SLC44A1: variants seen among roughly 807,000 people sequenced by gnomAD.
SLC44A1 encodes solute carrier family 44 member 1.
SLC44A1 carries 26 observed loss-of-function variants against 79.3 expected under a neutral mutation model. That is an observed-to-expected ratio of 0.33 (90% confidence interval 0.24 to 0.46). SLC44A1 has a LOEUF of 0.46. Among genes scored for constraint, SLC44A1 ranks in the 20% least tolerant of loss-of-function variants. The probability of loss-of-function intolerance (pLI) is 1.00; values close to 1 mark genes in which losing one functional copy is unlikely to be tolerated. For synonymous variants in SLC44A1, 263 were observed against 286.2 expected (o/e 0.92, Z 0.82); for missense variants, 688 against 798.1 (o/e 0.86, Z 1.66).
chr9:105,426,593 C>G (rs1416805958), intron 15 of SLC44A1, among the ~76,000 whole-genome samples: 1 of 152,064 alleles, frequency 6.6e-6, no homozygotes, highest in East Asian at 1.9e-4. Flanking sequence ...TTTACTCATG[C>G]AGAGTAGATG....
intron 8 of SLC44A1, among the ~76,000 whole-genome samples, chr9:105,361,749 G>A (rs893632393): frequency 9.2e-5 from 14 of 152,014 alleles, no homozygotes; most frequent in South Asian, 4.1e-4. Context: ...ACTTTATGGC[G>A]TTATTTCAAA....
chr9:105,379,359 G>A (rs773844533), intron 13 of SLC44A1, among the ~76,000 whole-genome samples: 2 of 152,154 alleles, frequency 1.3e-5, no homozygotes, highest in Non-Finnish European at 2.9e-5. Context: ...GGAAATAGCT[G>A]TAAAATAACA....
chr9:105,313,723 GTA>G (rs1831242368), intron 3 of SLC44A1, among the ~76,000 whole-genome samples: 1 of 152,036 alleles, frequency 6.6e-6, no homozygotes, highest in African/African-American at 2.4e-5. Flanking sequence ...TAGGCTTAGA[GTA>G]TATATGTCAA....
intron 4 of SLC44A1, among the ~76,000 whole-genome samples, 180 bp downstream of exon 4, chr9:105,335,879 C>T (rs965737355): frequency 6.6e-6 from 1 of 152,148 alleles, no homozygotes; most frequent in African/African-American, 2.4e-5. Context: ...GATTCCTGGG[C>T]CCCTCCCTGG....
intron 3 of SLC44A1, among the ~76,000 whole-genome samples, chr9:105,314,886 T>G (rs1831278186): frequency 6.6e-6 from 1 of 152,254 alleles, no homozygotes; most frequent in Admixed American, 6.5e-5. Flanking sequence ...ATGTATGTGC[T>G]AAAACAATCC....
intron 1 of SLC44A1, among the ~76,000 whole-genome samples, chr9:105,284,807 T>C (rs937402704): frequency 2.6e-5 from 4 of 152,218 alleles, no homozygotes; most frequent in South Asian, 2.1e-4. Flanking sequence ...TATTGAGATA[T>C]AATTCATATA....
At chr9:105,281,604 C>T (rs1830354199) in intron 1 of SLC44A1, among the ~76,000 whole-genome samples, 1 of 152,038 alleles carries the variant, frequency 6.6e-6, no homozygotes, top group African/African-American at 2.4e-5. Context: ...GGTATAGAGG[C>T]TTGGGGTCCT....
intron 15 of SLC44A1, among the ~76,000 whole-genome samples, chr9:105,425,802 G>A (rs1303139022): frequency 2.0e-5 from 3 of 152,052 alleles, no homozygotes; most frequent in South Asian, 2.1e-4. Flanking sequence ...CAGCCTGGGC[G>A]GCAGAGCAAG....
intron 15 of SLC44A1, among the ~76,000 whole-genome samples, chr9:105,434,371 T>G (rs897744775): frequency 7.9e-5 from 12 of 151,570 alleles, no homozygotes; most frequent in African/African-American, 2.9e-4. Flanking sequence ...AGTTTGCAAT[T>G]TAAAAGAGGA....
intron 13 of SLC44A1, among the ~76,000 whole-genome samples, chr9:105,381,015 T>C (rs1200701699): frequency 6.6e-6 from 1 of 152,246 alleles, no homozygotes; most frequent in African/African-American, 2.4e-5. Flanking sequence ...TGAAGTTACC[T>C]CCTGCATGAG....
chr9:105,354,364 G>T (rs1193337390), intron 5 of SLC44A1, among the ~76,000 whole-genome samples: 1 of 151,996 alleles, frequency 6.6e-6, no homozygotes, highest in Non-Finnish European at 1.5e-5. Context: ...AATCCTTTTT[G>T]ATTCTCATAA....
At chr9:105,321,934 T>G (rs1456246810) in intron 3 of SLC44A1, among the ~76,000 whole-genome samples, 1 of 152,090 alleles carries the variant, frequency 6.6e-6, no homozygotes, top group Non-Finnish European at 1.5e-5. Flanking sequence ...AAGATCCCAG[T>G]AGGATGTGCA....
chr9:105,269,311 C>T (rs894134396), intron 1 of SLC44A1, among the ~76,000 whole-genome samples: 4 of 152,132 alleles, frequency 2.6e-5, no homozygotes, highest in Non-Finnish European at 4.4e-5. Context: ...CTTTCAGATC[C>T]TCTCTTTAGA....
At chr9:105,418,832 A>G (rs529157271) in intron 15 of SLC44A1, among the ~76,000 whole-genome samples, 2 of 152,348 alleles carry the variant, frequency 1.3e-5, no homozygotes, top group African/African-American at 2.4e-5. Context: ...ATTGTCTAAC[A>G]GACTGTGGAT....
intron 15 of SLC44A1, among the ~76,000 whole-genome samples, chr9:105,424,869 C>T (rs1045880875): frequency 1.3e-5 from 2 of 151,144 alleles, no homozygotes. Context: ...ATTGCTTGAA[C>T]CCAAGAGGTG....
chr9:105,308,170 A>G (rs1333654550), intron 2 of SLC44A1, among the ~76,000 whole-genome samples: 1 of 152,226 alleles, frequency 6.6e-6, no homozygotes, highest in East Asian at 1.9e-4. Context: ...TGGACTCATC[A>G]GTATTCCATT....
At chr9:105,340,374 C>A (rs1827050189) in intron 4 of SLC44A1, among the ~76,000 whole-genome samples, 1 of 152,070 alleles carries the variant, frequency 6.6e-6, no homozygotes, top group Non-Finnish European at 1.5e-5. Context: ...GCCAGGGTGG[C>A]AGGGAGAGTG....
chr9:105,296,209 C>T (rs1381050848), intron 1 of SLC44A1, among the ~76,000 whole-genome samples: 3 of 152,130 alleles, frequency 2.0e-5, no homozygotes, highest in African/African-American at 7.2e-5. Flanking sequence ...ACCCCTCCTC[C>T]GCTAAGTGTT....
intron 3 of SLC44A1, among the ~76,000 whole-genome samples, chr9:105,334,951 A>G (rs946571323): frequency 6.6e-6 from 1 of 152,204 alleles, no homozygotes; most frequent in African/African-American, 2.4e-5. Context: ...AAAGATGCGG[A>G]TTCTGAAAGG....
Sources: gnomAD v4.1 joint callset for allele counts (sites outside exome capture counted in the v4.1 genomes callset) on GRCh38, gnomAD v4.1.1 for gene constraint, MANE v1.5 for transcripts, NCBI Gene and HGNC (gene_info 2026-07-23, HGNC 2026-07-21) for gene names.